The following KIAA1671 variants were observed in gnomAD, a reference collection of about 807,000 sequenced individuals.
KIAA1671 encodes uncharacterized protein KIAA1671.
A neutral mutation model predicts 131.2 loss-of-function variants in KIAA1671; 52 were observed. The ratio of observed to expected loss-of-function variants is 0.40; its 90% CI spans 0.32 to 0.50. The LOEUF (loss-of-function observed/expected upper bound fraction) is 0.50, where lower values mean the gene tolerates loss of function less well. Among genes scored for constraint, KIAA1671 ranks in the 20% least tolerant of loss-of-function variants. The pLI is 0.73. For synonymous variants in KIAA1671, 1,003 were observed against 961.6 expected (o/e 1.04, Z -0.80); for missense variants, 2,360 against 2,364.2 (o/e 1.00, Z 0.04).
Position 25,041,378 on chromosome 22 carries a change from C to T in KIAA1671, c.4248C>T (p.Ala1416=). The stretch of plus-strand genomic sequence containing the variant: ...CCTACTCAGAGAAGGGGCCCCCTGC[C>T]AACATCCGAGAGGGCCTGTCCATCA... ...KRAYSEKGPP[A]NIREGLSIMH... Residue 1416 remains alanine (A), a synonymous_variant, in exon 5 of 13, where the codon GCC becomes GCT. Transcript: ENST00000358431. The T allele has an allele frequency of 6.4e-7, 1 of 1,551,708 alleles. No homozygotes were observed. Among genetic ancestry groups the T allele is most frequent in the Admixed American group, 2.0e-5 (1 of 50,996 alleles).
intron 1 of KIAA1671, among the ~76,000 whole-genome samples, chr22:24,957,153 A>T (rs890003288): frequency 2.6e-5 from 4 of 152,130 alleles, no homozygotes; most frequent in Admixed American, 2.6e-4. Context: ...GATAAGTTCC[A>T]GGTGGGTGGT....
At chr22:24,991,429 A>G (rs1217564157) in intron 1 of KIAA1671, among the ~76,000 whole-genome samples, 1 of 151,826 alleles carries the variant, frequency 6.6e-6, no homozygotes, top group East Asian at 1.9e-4. Flanking sequence ...TTGGACAGAC[A>G]GTTCATCTCT....
intron 9 of KIAA1671, among the ~76,000 whole-genome samples, chr22:25,178,393 G>T (rs1418024499): frequency 6.6e-6 from 1 of 152,222 alleles, no homozygotes; most frequent in South Asian, 2.1e-4. Flanking sequence ...TCCCCCTTGG[G>T]GCTCCCTGAG....
At chr22:24,996,673 A>G (rs1215178394) in intron 1 of KIAA1671, among the ~76,000 whole-genome samples, 1 of 152,152 alleles carries the variant, frequency 6.6e-6, no homozygotes, top group African/African-American at 2.4e-5. Context: ...GAAGCCACAG[A>G]GTAAGTCCTG....
chr22:25,049,159 G>C, intron 5 of KIAA1671, 71 bp from the exon 6 acceptor site: 2 of 1,506,384 alleles, frequency 1.3e-6, no homozygotes, highest in Non-Finnish European at 1.8e-6. Flanking sequence ...ATGGACTCTT[G>C]GCATAATATA....
At chr22:24,980,634 G>A (rs1037283154) in intron 1 of KIAA1671, among the ~76,000 whole-genome samples, 4 of 152,012 alleles carry the variant, frequency 2.6e-5, no homozygotes, top group Admixed American at 6.6e-5. Flanking sequence ...TGTTTTTAAC[G>A]TTTTAAGAAA....
intron 12 of KIAA1671, 66 bp downstream of exon 12, chr22:25,190,850 G>A (rs1934651059): frequency 1.8e-6 from 2 of 1,124,226 alleles, no homozygotes; most frequent in South Asian, 2.7e-5. Flanking sequence ...GGAACTCAGG[G>A]GGGCCACGCT....
chr22:25,070,051 C>A (rs1287069231), intron 6 of KIAA1671: 1 of 294,416 alleles, frequency 3.4e-6, no homozygotes, highest in East Asian at 5.6e-5. Flanking sequence ...ACCCTCCGTG[C>A]CTACGGCTCC....
At position 25,192,817 on chromosome 22, in the gene KIAA1671, C is replaced by G. The variant is rs1487324183; in HGVS notation, c.*416C>G. Reference sequence around the variant, plus strand: ...TTGTGAAAGCACCTCCTCACCCGACCCCGGGGCAGGTCTTTTTTTGGAAGG... The same window carrying G: ...TTGTGAAAGCACCTCCTCACCCGACGCCGGGGCAGGTCTTTTTTTGGAAGG... On this transcript the variant is annotated 3_prime_UTR_variant, in exon 13 of 13. Coordinates refer to ENST00000358431, the MANE Select transcript of KIAA1671 (RefSeq NM_001145206.2). The G allele has an allele frequency of 6.6e-6, 1 of 152,140 alleles. No individual in the cohort carries two copies. Among genetic ancestry groups the G allele is most frequent in the African/African-American group, 2.4e-5 (1 of 41,422 alleles). The allele number at this position is 152,140 out of a possible 1,614,324, so 9.4% of individuals were successfully genotyped here.
chr22:25,145,460 G>T (rs1932862999), intron 6 of KIAA1671, among the ~76,000 whole-genome samples: 1 of 152,204 alleles, frequency 6.6e-6, no homozygotes, highest in African/African-American at 2.4e-5. Flanking sequence ...GGGACATGGT[G>T]TAGGAACATT....
At chr22:24,978,018 A>C (rs742167) in intron 1 of KIAA1671, among the ~76,000 whole-genome samples, 63,664 of 151,888 alleles carry the variant, frequency 0.42, 14,428 homozygotes, top group East Asian at 0.75. Context: ...CATAGCAGTT[A>C]ACGTATTGAA....
chr22:25,070,257 A>G, intron 6 of KIAA1671: 2 of 409,966 alleles, frequency 4.9e-6, no homozygotes, highest in Admixed American at 4.4e-5. Context: ...TGAATGATTT[A>G]TGCCGCCTTG....
At chr22:25,009,134 G>C (rs1410107059) in intron 1 of KIAA1671, among the ~76,000 whole-genome samples, 1 of 151,952 alleles carries the variant, frequency 6.6e-6, no homozygotes, top group Non-Finnish European at 1.5e-5. Context: ...AGATGGACCC[G>C]AGACTTCACA....
Position 25,006,476 on chromosome 22 carries a change from G to A in KIAA1671, c.-207-19157G>A, listed in dbSNP as rs1292131814. On this transcript the variant is annotated intron_variant, in intron 1 of 12. Coordinates refer to ENST00000358431, the MANE Select transcript of KIAA1671 (RefSeq NM_001145206.2). ...ATTAAGGTGTCTGGTCGCCTGGGGG[G>A]CGACCGAGACAAAGAACTTCATAGA... 2.6e-5 allele frequency among the ~76,000 whole-genome samples: 4 copies of A among 152,144 alleles called. No homozygotes were observed. The South Asian group carries it at 6.2e-4, about 24-fold the overall frequency.
intron 5 of KIAA1671, among the ~76,000 whole-genome samples, chr22:25,046,296 T>G (rs1927220964): frequency 6.8e-6 from 1 of 147,516 alleles, no homozygotes; most frequent in African/African-American, 2.7e-5. Context: ...AGCGAGACTC[T>G]GTCTCAAGAG....
In KIAA1671 at chr22:25,177,448, G is replaced by T; in HGVS notation, c.5000G>T (p.Arg1667Leu). 6.4e-7 allele frequency: 1 copy of T among 1,551,760 alleles called. No homozygotes were observed. The highest frequency in any genetic ancestry group is 8.7e-7 in the Non-Finnish European group (1 of 1,147,016). The change falls in exon 9 of 13, where the codon CGA becomes CTA. Residue 1667 changes from arginine (R) to leucine (L), a missense_variant. This residue lies in a region of KIAA1671 where 1,161 missense variants were observed against 1,204.7 expected (regional missense o/e 0.96). Coordinates refer to ENST00000358431, the MANE Select transcript of KIAA1671 (RefSeq NM_001145206.2). Reference protein sequence around the residue: ...APISHSLRRSRFSESESRSPL... With the variant: ...APISHSLRRSLFSESESRSPL... ...ATCTCCCACTCCCTCCGGCGCAGCC[G>T]ATTTAGTGAGTCCGAGAGCAGATCA...
rs1932787042 is a variant in KIAA1671, at chr22:25,140,264, G to A, written c.4531-30556G>A. ...GCTGTCAGCTGGAGTCCAGCCTAGAGGCTGTCCGCAGTTCCTTGCCACATG... is the reference window on the plus strand; with the variant it reads ...GCTGTCAGCTGGAGTCCAGCCTAGAAGCTGTCCGCAGTTCCTTGCCACATG... On this transcript the variant is annotated intron_variant, in intron 6 of 12. Transcript: ENST00000358431. 2.0e-5 allele frequency among the ~76,000 whole-genome samples: 3 copies of A among 152,356 alleles called. No individual in the cohort carries two copies. In the South Asian group the frequency reaches 6.2e-4, roughly 32 times the overall value.
At chr22:25,077,274 C>T (rs943880631) in intron 6 of KIAA1671, among the ~76,000 whole-genome samples, 1 of 152,194 alleles carries the variant, frequency 6.6e-6, no homozygotes. Context: ...CAGTTTCCCT[C>T]TCTATAAGTG....
In KIAA1671 at chr22:25,040,807, C is replaced by T. The variant is rs1364551276; in HGVS notation, c.3677C>T (p.Thr1226Ile). ...GAGGCTCAGGAGAGGAGGAGTCCCACCGTGGAGCCCAGTACGTTGCCTCGG... is the reference window on the plus strand; with the variant it reads ...GAGGCTCAGGAGAGGAGGAGTCCCATCGTGGAGCCCAGTACGTTGCCTCGG... ...PGEAQERRSP[T>I]VEPSTLPRER... Residue 1226 changes from threonine (T) to isoleucine (I), a missense_variant, in exon 5 of 13, where the codon ACC (threonine) becomes ATC (isoleucine). Coordinates refer to ENST00000358431, the MANE Select transcript of KIAA1671 (RefSeq NM_001145206.2). 6.4e-7 allele frequency: 1 copy of T among 1,551,728 alleles called. No individual in the cohort carries two copies. Among genetic ancestry groups the T allele is most frequent in the Non-Finnish European group, 8.7e-7 (1 of 1,147,024 alleles).
Sources: allele counts gnomAD v4.1 joint callset (sites outside exome capture counted in the v4.1 genomes callset), GRCh38; gene constraint gnomAD v4.1.1; regional missense constraint gnomAD v4.1.1; transcripts MANE v1.5; gene names NCBI Gene and HGNC (gene_info 2026-07-23, HGNC 2026-07-21).